DNAH11: variants seen among roughly 807,000 people sequenced by gnomAD.
DNAH11 encodes the protein dynein axonemal heavy chain 11.
A neutral mutation model predicts 526.0 loss-of-function variants in DNAH11; 442 were observed. The observed-to-expected ratio is 0.84, with a 90% confidence interval of 0.78 to 0.91. DNAH11 has a LOEUF of 0.91. DNAH11 is among the 40% of genes least tolerant of loss of function. The probability of loss-of-function intolerance (pLI) is 0.00; values close to 1 mark genes in which losing one functional copy is unlikely to be tolerated. For missense variants in DNAH11, 6,989 were observed against 5,448.7 expected (o/e 1.28, Z -8.90); for synonymous variants, 2,461 against 1,935.9 (o/e 1.27, Z -7.12).
chr7:21,606,629 T>G lies in DNAH11; in HGVS notation c.3766-18T>G. On this transcript the variant is annotated intron_variant, in intron 19 of 81. Coordinates refer to ENST00000409508, the MANE Select transcript of DNAH11 (RefSeq NM_001277115.2). Reference sequence around the variant, plus strand: ...TTTGAAATTCACTTTTTTTTTTTTTTTTTTTTGCAATGATCAGGCAAAGCA... The same window carrying G: ...TTTGAAATTCACTTTTTTTTTTTTTGTTTTTTGCAATGATCAGGCAAAGCA... The G allele has an allele frequency of 6.6e-7, 1 of 1,518,506 alleles. No individual in the cohort carries two copies. The allele number at this position is 1,518,506 out of a possible 1,614,324, so 94.1% of individuals were successfully genotyped here. A position where few individuals can be genotyped will look rare whatever the true frequency, so the allele number is the denominator to read the frequency against.
At chr7:21,818,867 G>A (rs984593393) in intron 65 of DNAH11, among the ~76,000 whole-genome samples, 3 of 152,128 alleles carry the variant, frequency 2.0e-5, no homozygotes, top group African/African-American at 7.2e-5. Context: ...GTAATGGATT[G>A]TCAACAACAG....
intron 55 of DNAH11, among the ~76,000 whole-genome samples, 171 bp downstream of exon 55, chr7:21,765,760 T>A (rs1787156451): frequency 6.6e-6 from 1 of 152,286 alleles, no homozygotes; most frequent in African/African-American, 2.4e-5. Context: ...TAGTTTACAT[T>A]CTAAGGAATA....
chr7:21,860,533 G>A (rs962152085), intron 68 of DNAH11, among the ~76,000 whole-genome samples: 2 of 152,174 alleles, frequency 1.3e-5, no homozygotes, highest in Admixed American at 1.3e-4. Context: ...GCCAAAAGGT[G>A]GAAGCAACCC....
rs1322889796 is a variant in DNAH11, at chr7:21,901,345, T to A, written c.*91T>A. ...CTGTTCCCATGCACATTATTCTAAC[T>A]TTTTAGTAACTCACACGTGCATTCT... On this transcript the variant is annotated 3_prime_UTR_variant, in exon 82 of 82. Coordinates refer to ENST00000409508, the MANE Select transcript of DNAH11 (RefSeq NM_001277115.2). 3 of 1,426,486 alleles carry A rather than the reference T, an allele frequency of 2.1e-6. No individual in the cohort carries two copies. The highest frequency in any genetic ancestry group is 1.8e-6 in the Non-Finnish European group (2 of 1,085,856). 88.4% of individuals were successfully genotyped at this position (1,426,486 alleles called of 1,614,324 possible). A position where few individuals can be genotyped will look rare whatever the true frequency, so the allele number is the denominator to read the frequency against.
At chr7:21,775,871 G>A (rs1047647841) in intron 56 of DNAH11, among the ~76,000 whole-genome samples, 14 of 152,062 alleles carry the variant, frequency 9.2e-5, no homozygotes, top group African/African-American at 3.4e-4. Context: ...TGTTGACTTT[G>A]CCCACTATCA....
chr7:21,749,936 A>G (rs540930043), intron 53 of DNAH11, 135 bp downstream of exon 53: 3 of 1,364,384 alleles, frequency 2.2e-6, no homozygotes, highest in South Asian at 2.9e-5. Context: ...CTATAAACCT[A>G]ACTAATTTGA....
chr7:21,729,054 G>T (rs963125079), intron 45 of DNAH11, among the ~76,000 whole-genome samples: 1 of 152,328 alleles, frequency 6.6e-6, no homozygotes. Context: ...GAAAGTGAGG[G>T]GGAAATAGCC....
At chr7:21,738,946 T>A in intron 47 of DNAH11, 80 bp downstream of exon 47, 1 of 1,201,762 alleles carries the variant, frequency 8.3e-7, no homozygotes, top group East Asian at 2.7e-5. Context: ...TGAATAATTA[T>A]TATGAATAAT....
chr7:21,791,809 T>A (rs1356756768), intron 61 of DNAH11, among the ~76,000 whole-genome samples: 2 of 152,184 alleles, frequency 1.3e-5, no homozygotes, highest in Non-Finnish European at 2.9e-5. Flanking sequence ...TGACTGGAGT[T>A]TGAGAGAAAA....
chr7:21,790,478 C>A (rs188746755), intron 61 of DNAH11, among the ~76,000 whole-genome samples: 14 of 152,040 alleles, frequency 9.2e-5, no homozygotes. Flanking sequence ...AAAATATTTT[C>A]AATGAATATT....
chr7:21,559,661 T>G lies in DNAH11; in HGVS notation c.751T>G (p.Ser251Ala). The G allele has an allele frequency of 6.2e-7, 1 of 1,612,108 alleles. No individual in the cohort carries two copies. Among genetic ancestry groups the G allele is most frequent in the Non-Finnish European group, 8.5e-7 (1 of 1,179,128 alleles). Reference sequence around the variant, plus strand: ...AATTGAATCTGTGGTTATTGAATGGTCACATCAAATCCAAGAAATTATAGA... The same window carrying G: ...AATTGAATCTGTGGTTATTGAATGGGCACATCAAATCCAAGAAATTATAGA... The part of the protein sequence containing the change: ...HAIESVVIEW[S>A]HQIQEIIERD... The change falls in exon 4 of 82, where the codon TCA (serine) becomes GCA (alanine). Residue 251 changes from serine to alanine, a missense_variant. Coordinates refer to ENST00000409508, the MANE Select transcript of DNAH11 (RefSeq NM_001277115.2).
intron 20 of DNAH11, among the ~76,000 whole-genome samples, chr7:21,611,028 A>G (rs1785502003): frequency 6.6e-6 from 1 of 152,182 alleles, no homozygotes; most frequent in African/African-American, 2.4e-5. Flanking sequence ...GAGCTGGTAA[A>G]ACATTATTTC....
intron 25 of DNAH11, among the ~76,000 whole-genome samples, chr7:21,635,392 G>A (rs902920280): frequency 3.9e-5 from 6 of 152,128 alleles, no homozygotes; most frequent in Admixed American, 1.3e-4. Context: ...TCCTGACCTC[G>A]TGATCCGCCC....
chr7:21,839,182 T>G (rs889481394), intron 65 of DNAH11, among the ~76,000 whole-genome samples: 1 of 152,226 alleles, frequency 6.6e-6, no homozygotes, highest in Non-Finnish European at 1.5e-5. Flanking sequence ...ATCTTTCACT[T>G]GTACAGATGT....
intron 64 of DNAH11, among the ~76,000 whole-genome samples, chr7:21,817,824 GT>G (rs1306650840): frequency 1.5e-5 from 2 of 136,434 alleles, no homozygotes; most frequent in Admixed American, 7.1e-5. Context: ...AAATGTAAAG[GT>G]TTAAAAAAAT....
At chr7:21,819,801 A>T (rs2128001540) in intron 65 of DNAH11, among the ~76,000 whole-genome samples, 1 of 152,276 alleles carries the variant, frequency 6.6e-6, no homozygotes, top group South Asian at 2.1e-4. Context: ...TTAGAAACAG[A>T]TTTTACATAG....
intron 41 of DNAH11, among the ~76,000 whole-genome samples, chr7:21,710,912 T>C (rs1235269521): frequency 6.6e-6 from 1 of 152,224 alleles, no homozygotes; most frequent in Non-Finnish European, 1.5e-5. Context: ...TTTCTTTGAA[T>C]TCAGCCACCT....
intron 79 of DNAH11, among the ~76,000 whole-genome samples, chr7:21,897,354 TATA>T (rs754677987): frequency 4.8e-5 from 7 of 144,554 alleles, no homozygotes; most frequent in Non-Finnish European, 1.1e-4. Flanking sequence ...GTTATTAAAA[TATA>T]ATAACACCCT....
chr7:21,564,455 G>A (rs1366353491), intron 6 of DNAH11, 58 bp downstream of exon 6: 22 of 1,295,474 alleles, frequency 1.7e-5, no homozygotes, highest in South Asian at 1.3e-4. Context: ...TAGGTTTTAC[G>A]AGACTAGTGA....
Sources: gnomAD v4.1 joint callset for allele counts (sites outside exome capture counted in the v4.1 genomes callset) on GRCh38, gnomAD v4.1.1 for gene constraint, MANE v1.5 for transcripts, NCBI Gene and HGNC (gene_info 2026-07-23, HGNC 2026-07-21) for gene names.